HS6ST3: variants seen among roughly 807,000 people sequenced by gnomAD.
The protein encoded by HS6ST3 is heparan sulfate 6-O-sulfotransferase 3.
A neutral mutation model predicts 36.7 loss-of-function variants in HS6ST3; 12 were observed. The ratio of observed to expected loss-of-function variants is 0.33; its 90% CI spans 0.21 to 0.53. The LOEUF (loss-of-function observed/expected upper bound fraction) is 0.53, where lower values mean the gene tolerates loss of function less well. HS6ST3 is among the 20% of genes least tolerant of loss of function. The pLI is 0.95. For missense variants in HS6ST3, 584 were observed against 640.9 expected (o/e 0.91, Z 0.96); for synonymous variants, 240 against 257.5 (o/e 0.93, Z 0.65).
chr13:96,398,078 T>G (rs1594771349), intron 1 of HS6ST3, among the ~76,000 whole-genome samples: 1 of 152,174 alleles, frequency 6.6e-6, no homozygotes. Flanking sequence ...CATCATGTTT[T>G]GTACTCTAAG....
At chr13:96,186,207 CAA>C (rs1159648633) in intron 1 of HS6ST3, among the ~76,000 whole-genome samples, 1 of 152,036 alleles carries the variant, frequency 6.6e-6, no homozygotes, top group East Asian at 1.9e-4. Context: ...CGAGGTTTTG[CAA>C]AGTGTTTTCC....
chr13:96,733,300 A>G (rs887106798), intron 1 of HS6ST3, among the ~76,000 whole-genome samples: 2 of 152,216 alleles, frequency 1.3e-5, no homozygotes, highest in Non-Finnish European at 2.9e-5. Flanking sequence ...GTTGAGGTAC[A>G]TTCCTTCAAT....
In HS6ST3 at chr13:96,500,117, G is replaced by A. The variant is rs141279131; in HGVS notation, c.708-332373G>A. Among the ~76,000 whole-genome samples, 758 of 152,110 alleles carry A rather than the reference G, an allele frequency of 5.0e-3. 12 individuals are homozygous for A. The highest frequency in any genetic ancestry group is 0.017 in the African/African-American group (699 of 41,498). On this transcript the variant is annotated intron_variant, in intron 1 of 1. Transcript: ENST00000376705. ...CTGCCTCCTTCCTCTGGCAACCACCGATCGACTTTCTGCCTCTGTGGATTT... is the reference window on the plus strand; with the variant it reads ...CTGCCTCCTTCCTCTGGCAACCACCAATCGACTTTCTGCCTCTGTGGATTT...
chr13:96,443,529 CAAAAAAAAAAA>C (rs10676564), intron 1 of HS6ST3, among the ~76,000 whole-genome samples: 2 of 76,498 alleles, frequency 2.6e-5, no homozygotes, highest in South Asian at 8.8e-4. Flanking sequence ...GACTCCGTCT[CAAAAAAAAAAA>C]AAAAAAAAAG....
intron 1 of HS6ST3, among the ~76,000 whole-genome samples, chr13:96,328,685 G>T (rs2055046941): frequency 6.6e-6 from 1 of 152,034 alleles, no homozygotes; most frequent in Admixed American, 6.6e-5. Flanking sequence ...TCAGGATGAT[G>T]CTGGCCTCAT....
intron 1 of HS6ST3, among the ~76,000 whole-genome samples, chr13:96,151,408 A>G (rs77548065): frequency 1.4e-4 from 1 of 6,956 alleles, no homozygotes; most frequent in Non-Finnish European, 6.5e-4. Flanking sequence ...CATCTTGGAA[A>G]AAAAAAAAAA....
rs2055074548 is a variant in HS6ST3, at chr13:96,332,194, C to T, written c.707+240625C>T. On this transcript the variant is annotated intron_variant, in intron 1 of 1. Transcript: ENST00000376705. ...ACCAGAGCTGTTCCTATTCGGCCAT[C>T]TTGGCTCCTCCCCCCATTTTTTCCT... Among the ~76,000 whole-genome samples the T allele has an allele frequency of 2.0e-5, 3 of 152,322 alleles. 1 individual carries two copies. The highest frequency in any genetic ancestry group is 7.2e-5 in the African/African-American group (3 of 41,584).
intron 1 of HS6ST3, among the ~76,000 whole-genome samples, chr13:96,520,508 G>C (rs1157010273): frequency 6.6e-6 from 1 of 152,150 alleles, no homozygotes; most frequent in Admixed American, 6.5e-5. Flanking sequence ...TTTTCCATTT[G>C]TTTGTGTCCT....
intron 1 of HS6ST3, among the ~76,000 whole-genome samples, chr13:96,638,911 A>G (rs568729461): frequency 4.6e-5 from 7 of 152,146 alleles, no homozygotes; most frequent in African/African-American, 1.7e-4. Flanking sequence ...TTTCCCATCC[A>G]TTGAGTTTTA....
At chr13:96,205,127 G>T (rs577254909) in intron 1 of HS6ST3, among the ~76,000 whole-genome samples, 107 of 151,310 alleles carry the variant, frequency 7.1e-4, no homozygotes, top group African/African-American at 2.6e-3. Flanking sequence ...CAATGAACAC[G>T]ATCAGAAATA....
At chr13:96,436,965 CA>C (rs1467402655) in intron 1 of HS6ST3, among the ~76,000 whole-genome samples, 5 of 114,856 alleles carry the variant, frequency 4.4e-5, no homozygotes, top group Non-Finnish European at 8.6e-5. Flanking sequence ...AAAGGGCCTC[CA>C]TTTTTTTTTT....
chr13:96,795,307 A>C (rs1877883543), intron 1 of HS6ST3, among the ~76,000 whole-genome samples: 1 of 152,038 alleles, frequency 6.6e-6, no homozygotes, highest in South Asian at 2.1e-4. Context: ...TTCTATTTTT[A>C]ATCTTGTCTT....
chr13:96,740,115 T>G (rs552494528), intron 1 of HS6ST3, among the ~76,000 whole-genome samples: 5 of 152,290 alleles, frequency 3.3e-5, no homozygotes, highest in African/African-American at 1.2e-4. Flanking sequence ...AATCATCTCC[T>G]AATAGATTAT....
chr13:96,184,200 CAAAAAAA>C (rs796944357), intron 1 of HS6ST3, among the ~76,000 whole-genome samples: 16 of 71,274 alleles, frequency 2.2e-4, no homozygotes, highest in Admixed American at 1.7e-3. Context: ...ACTCTGTCTC[CAAAAAAA>C]AAAAAAAAAA....
chr13:96,482,222 A>G (rs1224277681), intron 1 of HS6ST3, among the ~76,000 whole-genome samples: 1 of 152,120 alleles, frequency 6.6e-6, no homozygotes, highest in East Asian at 1.9e-4. Context: ...CTAGTTACCT[A>G]TGACACTGAT....
intron 1 of HS6ST3, among the ~76,000 whole-genome samples, chr13:96,645,738 TG>T (rs1791373726): frequency 1.3e-5 from 2 of 151,882 alleles, no homozygotes; most frequent in Admixed American, 6.6e-5. Context: ...TCATCTTAAA[TG>T]GTTGTTTTGA....
At chr13:96,091,664 C>T (rs1448156452) in intron 1 of HS6ST3, 95 bp downstream of exon 1, 8 of 1,433,546 alleles carry the variant, frequency 5.6e-6, no homozygotes, top group African/African-American at 1.4e-5. Context: ...CCTGCCCCTG[C>T]CGATGGTTTC....
intron 1 of HS6ST3, among the ~76,000 whole-genome samples, chr13:96,414,821 C>T (rs1283155505): frequency 6.6e-6 from 1 of 152,154 alleles, no homozygotes; most frequent in Non-Finnish European, 1.5e-5. Context: ...CATAGTGTGA[C>T]ATCTTGCTGA....
intron 1 of HS6ST3, among the ~76,000 whole-genome samples, chr13:96,793,501 G>A (rs1025058573): frequency 6.6e-6 from 1 of 152,116 alleles, no homozygotes; most frequent in Non-Finnish European, 1.5e-5. Context: ...GGGAGGCAGA[G>A]AATAAGCAGA....
Sources: allele counts gnomAD v4.1 joint callset (sites outside exome capture counted in the v4.1 genomes callset), GRCh38; gene constraint gnomAD v4.1.1; transcripts MANE v1.5; gene names NCBI Gene and HGNC (gene_info 2026-07-23, HGNC 2026-07-21).